The following NLGN2 variants were observed in gnomAD, a reference collection of about 807,000 sequenced individuals.
NLGN2 encodes neuroligin 2.
NLGN2 carries 11 observed loss-of-function variants against 48.6 expected under a neutral mutation model. That is an observed-to-expected ratio of 0.23 (90% CI 0.14 to 0.37). NLGN2 has a LOEUF of 0.37. Ranked by LOEUF, NLGN2 falls within the 10% of genes least tolerant of loss-of-function variation. The pLI, the probability that NLGN2 is intolerant of heterozygous loss-of-function variation, is 1.00. For synonymous variants in NLGN2, 548 were observed against 550.0 expected (o/e 1.00, Z 0.05); for missense variants, 801 against 1,225.2 (o/e 0.65, Z 5.17).
chr17:7,409,271 T>A (rs922901360), intron 1 of NLGN2, among the ~76,000 whole-genome samples: 1 of 152,106 alleles, frequency 6.6e-6, no homozygotes, highest in Non-Finnish European at 1.5e-5. Flanking sequence ...GTGGTACCGA[T>A]GTCCTTCTCT....
Position 7,417,814 on chromosome 17 carries a change from G to A in NLGN2, c.*15G>A. 1 of 1,342,920 alleles carries A rather than the reference G, an allele frequency of 7.4e-7. No homozygotes were observed. Among genetic ancestry groups the A allele is most frequent in the Non-Finnish European group, 9.5e-7 (1 of 1,055,050 alleles). The allele number at this position is 1,342,920 out of a possible 1,614,324, so 83.2% of individuals were successfully genotyped here. A position where few individuals can be genotyped will look rare whatever the true frequency, so the allele number is the denominator to read the frequency against. On this transcript the variant is annotated 3_prime_UTR_variant, in exon 7 of 7. Transcript: ENST00000302926. ...CTCGGGTATAGGGGGTGGGTGGGGA[G>A]GCCCTCCTCCCCGGCCCTCCCTGGC...
At position 7,408,393 on chromosome 17, in the gene NLGN2, G is replaced by A. The variant is rs1424751547; in HGVS notation, c.138G>A (p.Thr46=). ...AGGAGCGCTTCCCGGTGGTGAACAC[G>A]GCCTACGGGCGAGTGCGCGGTGTGC... ...LGEERFPVVN[T]AYGRVRGVRR... is the part of the protein sequence containing the mutation. The change falls in exon 1 of 7, where the codon ACG becomes ACA. Residue 46 remains threonine (T), a synonymous_variant. Transcript: ENST00000302926. The surrounding 1 kb of genome is among the most constrained non-coding windows in gnomAD (Gnocchi z 7.5). 1.9e-6 allele frequency: 3 copies of A among 1,542,928 alleles called. No homozygotes were observed. Among genetic ancestry groups the A allele is most frequent in the African/African-American group, 1.4e-5 (1 of 69,836 alleles).
Position 7,415,152 on chromosome 17 carries a change from T to C in NLGN2, c.1037+4T>C, listed in dbSNP as rs768435808. The C allele has an allele frequency of 1.3e-6, 2 of 1,589,778 alleles. No homozygotes were observed. Among genetic ancestry groups the C allele is most frequent in the African/African-American group, 2.7e-5 (2 of 74,630 alleles). ...ACCAGGACGTGCAGCCTGCCCGGTATGGGGTGGGAGAGGGCTGGGTCCAGG... is the reference window on the plus strand; with the variant it reads ...ACCAGGACGTGCAGCCTGCCCGGTACGGGGTGGGAGAGGGCTGGGTCCAGG... On this transcript the variant is annotated splice_donor_region_variant and intron_variant, in intron 5 of 6. Transcript: ENST00000302926.
upstream of NLGN2, chr17:7,405,377 C>G (rs1341617576): frequency 2.0e-5 from 3 of 152,326 alleles, no homozygotes; most frequent in Admixed American, 6.5e-5. This position sits in a 1 kb window ranked among gnomAD's most constrained non-coding sequence, Gnocchi z 6.8. Context: ...GTTCCCTGTT[C>G]TCGGGCTCCC....
rs1025520485 is a variant in NLGN2 at position 7,415,291 on chromosome 17, A to G, written c.1037+143A>G. ...GGCCTCCTCTTGCAAGCCTTCCTTC[A>G]GTGGAGGTGCTCAATCAGAGCAGGT... On this transcript the variant is annotated intron_variant, in intron 5 of 6. Transcript: ENST00000302926. 4 of 873,304 alleles carry G rather than the reference A, an allele frequency of 4.6e-6. No homozygotes were observed. The East Asian group carries it at 1.1e-4, about 23-fold the overall frequency. 54.1% of individuals were successfully genotyped at this position (873,304 alleles called of 1,614,324 possible). A position where few individuals can be genotyped will look rare whatever the true frequency, so the allele number is the denominator to read the frequency against.
In NLGN2 at chr17:7,407,985, C is replaced by G. The variant is rs1906711657; in HGVS notation, c.-271C>G. The stretch of plus-strand genomic sequence containing the variant: ...GTCCGTCTGTCTGTATCCTGCCTCC[C>G]TGCCCCTCTCGCTCCACCCCCCGCA... On this transcript the variant is annotated 5_prime_UTR_variant, in exon 1 of 7. Coordinates refer to ENST00000302926, the MANE Select transcript of NLGN2 (RefSeq NM_020795.4). 3.1e-6 allele frequency: 1 copy of G among 324,342 alleles called. No individual in the cohort carries two copies. Among genetic ancestry groups the G allele is most frequent in the Non-Finnish European group, 5.6e-6 (1 of 178,664 alleles). The allele number at this position is 324,342 out of a possible 1,614,324, so 20.1% of individuals were successfully genotyped here.
upstream of NLGN2, among the ~76,000 whole-genome samples, chr17:7,406,383 AG>A (rs1197954893): frequency 2.1e-5 from 3 of 144,278 alleles, no homozygotes; most frequent in African/African-American, 5.3e-5. Flanking sequence ...GGGGAGGGGG[AG>A]GGGGCAGCAA....
chr17:7,409,211 A>G (rs115163789), intron 1 of NLGN2, among the ~76,000 whole-genome samples: 52 of 152,108 alleles, frequency 3.4e-4, no homozygotes, highest in African/African-American at 1.2e-3. Flanking sequence ...GCTGCCTTCC[A>G]TCTATCACAT....
In NLGN2 at chr17:7,412,197, G is replaced by A. The variant is rs150207176; in HGVS notation, c.498G>A (p.Pro166=). The A allele has an allele frequency of 1.3e-4, 211 of 1,609,982 alleles. No homozygotes were observed. The African/African-American group carries it at 2.4e-3, about 18-fold the overall frequency. ...TKKRDEATLN[P]PDTDIRDPGK... ...AACGTGACGAGGCGACGCTCAATCC[G>A]CCAGACACAGGTAGATTTAAAAATC... Residue 166 remains proline (P), a synonymous_variant, in exon 2 of 7, where the codon CCG becomes CCA. Transcript: ENST00000302926.
upstream of NLGN2, among the ~76,000 whole-genome samples, chr17:7,406,147 A>C (rs1238599947): frequency 6.6e-6 from 1 of 152,104 alleles, no homozygotes; most frequent in Non-Finnish European, 1.5e-5. Flanking sequence ...CCAAGGAGAG[A>C]GATACAGAAG....
intron 1 of NLGN2, among the ~76,000 whole-genome samples, chr17:7,410,302 C>T (rs1462970482): frequency 6.6e-6 from 1 of 151,704 alleles, no homozygotes; most frequent in African/African-American, 2.4e-5. Flanking sequence ...CCATATAAAC[C>T]ACGCCTCCCC....
upstream of NLGN2, among the ~76,000 whole-genome samples, chr17:7,405,988 G>C (rs1167842634): frequency 2.6e-5 from 4 of 152,178 alleles, no homozygotes; most frequent in South Asian, 6.2e-4. The surrounding 1 kb of genome is among the most constrained non-coding windows in gnomAD (Gnocchi z 6.8). Flanking sequence ...GAGGGATAGG[G>C]AGAAGGAGGA....
rs780580590 is a variant in NLGN2, at chr17:7,408,756, C to T, written c.457+44C>T. ...AGCCGGGCACCCCGTGGACACAGCCCACAAACGCACATGCAGACCCTCAGG... is the reference window on the plus strand; with the variant it reads ...AGCCGGGCACCCCGTGGACACAGCCTACAAACGCACATGCAGACCCTCAGG... On this transcript the variant is annotated intron_variant, in intron 1 of 6. Coordinates refer to ENST00000302926, the MANE Select transcript of NLGN2 (RefSeq NM_020795.4). This position sits in a 1 kb window ranked among gnomAD's most constrained non-coding sequence, Gnocchi z 7.5. The T allele has an allele frequency of 3.1e-6, 5 of 1,610,912 alleles. No homozygotes were observed. The highest frequency in any genetic ancestry group is 4.5e-5 in the East Asian group (2 of 44,798).
intron 6 of NLGN2, among the ~76,000 whole-genome samples, chr17:7,416,540 T>C (rs886302988): frequency 6.6e-6 from 1 of 152,160 alleles, no homozygotes; most frequent in Non-Finnish European, 1.5e-5. Context: ...CTTTTCGCTT[T>C]CTCTGGCTGC....
rs757403490 is a variant in NLGN2, at chr17:7,408,743, C to T, written c.457+31C>T. 5 of 1,611,630 alleles carry T rather than the reference C, an allele frequency of 3.1e-6. No individual in the cohort carries two copies. The highest frequency in any genetic ancestry group is 1.7e-5 in the Admixed American group (1 of 59,954). ...GGCGCGGGCACAAAGCCGGGCACCCCGTGGACACAGCCCACAAACGCACAT... is the reference window on the plus strand; with the variant it reads ...GGCGCGGGCACAAAGCCGGGCACCCTGTGGACACAGCCCACAAACGCACAT... On this transcript the variant is annotated intron_variant, in intron 1 of 6. Coordinates refer to ENST00000302926, the MANE Select transcript of NLGN2 (RefSeq NM_020795.4). This position sits in a 1 kb window ranked among gnomAD's most constrained non-coding sequence, Gnocchi z 7.5.
intron 3 of NLGN2, 56 bp downstream of exon 3, chr17:7,414,549 G>T: frequency 6.2e-7 from 1 of 1,611,552 alleles, no homozygotes. Flanking sequence ...TGGGCCTGGT[G>T]GGCAGGGTTC....
chr17:7,409,839 A>G (rs997227662), intron 1 of NLGN2, among the ~76,000 whole-genome samples: 2 of 152,060 alleles, frequency 1.3e-5, no homozygotes, highest in Non-Finnish European at 2.9e-5. Context: ...GCACCCCACA[A>G]TCACAATTCC....
chr17:7,406,533 T>C (rs1906645731), upstream of NLGN2, among the ~76,000 whole-genome samples: 1 of 151,548 alleles, frequency 6.6e-6, no homozygotes, highest in South Asian at 2.1e-4. Context: ...GTGTGTGTGG[T>C]AAGGATTCCT....
At chr17:7,412,616 T>A (rs1383854575) in intron 2 of NLGN2, among the ~76,000 whole-genome samples, 1 of 151,880 alleles carries the variant, frequency 6.6e-6, no homozygotes, top group Non-Finnish European at 1.5e-5. Context: ...TCAAAAAAAA[T>A]TTAAAAGTTG....
Sources: allele counts gnomAD v4.1 joint callset (sites outside exome capture counted in the v4.1 genomes callset), GRCh38; gene constraint gnomAD v4.1.1; non-coding constraint Gnocchi (gnomAD v3.1); transcripts MANE v1.5; gene names NCBI Gene and HGNC (gene_info 2026-07-23, HGNC 2026-07-21).